Variants in ARPP21 observed in about 807,000 individuals in gnomAD.
The protein encoded by ARPP21 is cAMP regulated phosphoprotein 21.
ARPP21 carries 69 observed loss-of-function variants against 113.2 expected under a neutral mutation model. That is an observed-to-expected ratio of 0.61 (90% CI 0.50 to 0.74). The LOEUF is 0.74. Among genes scored for constraint, ARPP21 ranks in the 30% least tolerant of loss-of-function variants. The pLI, the probability that ARPP21 is intolerant of heterozygous loss-of-function variation, is 0.00. For missense variants in ARPP21, 1,070 were observed against 1,037.4 expected (o/e 1.03, Z -0.43); for synonymous variants, 368 against 375.5 (o/e 0.98, Z 0.23).
intron 7 of ARPP21, among the ~76,000 whole-genome samples, chr3:35,689,809 C>A (rs573282920): frequency 6.6e-6 from 1 of 151,360 alleles, no homozygotes; most frequent in Non-Finnish European, 1.5e-5. Context: ...GATCCTAGTA[C>A]TTTGCATGCC....
In ARPP21 at chr3:35,743,951, C is replaced by A; in HGVS notation, c.2123C>A (p.Ala708Glu). 1 of 1,614,082 alleles carries A rather than the reference C, an allele frequency of 6.2e-7. No individual in the cohort carries two copies. Among genetic ancestry groups the A allele is most frequent in the Non-Finnish European group, 8.5e-7 (1 of 1,179,980 alleles). ...NAQRSQQMPQ[A>E]AQQAGYQPVL... is the part of the protein sequence containing the mutation. ...CAGAGGAGTCAACAGATGCCACAGG[C>A]AGCACAGCAAGCAGGTACTTGGAAT... Residue 708 changes from alanine (A) to glutamate (E), a missense_variant, in exon 19 of 21, where the codon GCA (alanine) becomes GAA (glutamate). Transcript: ENST00000684406.
chr3:35,779,848 C>T (rs2096481750), intron 19 of ARPP21, among the ~76,000 whole-genome samples: 1 of 152,154 alleles, frequency 6.6e-6, no homozygotes, highest in African/African-American at 2.4e-5. Flanking sequence ...TTTCTCACTC[C>T]TCCTTTTAGT....
At position 35,793,973 on chromosome 3, in the gene ARPP21, G is replaced by A. The variant is rs753832428; in HGVS notation, c.*15G>A. 227 of 1,605,272 alleles carry A rather than the reference G, an allele frequency of 1.4e-4. 5 individuals carry two copies. In the South Asian group the frequency reaches 2.4e-3, roughly 17 times the overall value. On this transcript the variant is annotated 3_prime_UTR_variant, in exon 21 of 21. Transcript: ENST00000684406. ...TCAAATTCTGAGAGCTCTGGCTGTGGTACATTTCTTCAGATATTTCTCATG... is the reference window on the plus strand; with the variant it reads ...TCAAATTCTGAGAGCTCTGGCTGTGATACATTTCTTCAGATATTTCTCATG...
intron 13 of ARPP21, among the ~76,000 whole-genome samples, chr3:35,718,300 G>A (rs778694047): frequency 6.6e-6 from 1 of 152,046 alleles, no homozygotes; most frequent in Non-Finnish European, 1.5e-5. Flanking sequence ...TTTCTAGATT[G>A]AACTATTAAG....
chr3:35,727,233 C>T (rs1046819513), intron 14 of ARPP21, among the ~76,000 whole-genome samples: 131 of 152,080 alleles, frequency 8.6e-4, no homozygotes, highest in Non-Finnish European at 3.2e-4. Context: ...TATATGCATA[C>T]GTACAATTTC....
At chr3:35,717,736 G>C (rs2092608036) in intron 13 of ARPP21, among the ~76,000 whole-genome samples, 1 of 151,992 alleles carries the variant, frequency 6.6e-6, no homozygotes, top group Non-Finnish European at 1.5e-5. Flanking sequence ...GCCCTACTTG[G>C]GCAACTAATT....
intron 1 of ARPP21, among the ~76,000 whole-genome samples, chr3:35,658,916 T>A (rs946321434): frequency 3.3e-5 from 5 of 152,048 alleles, no homozygotes; most frequent in African/African-American, 1.2e-4. Context: ...TGAATTAGGG[T>A]CTTGTTTACA....
intron 13 of ARPP21, among the ~76,000 whole-genome samples, chr3:35,721,059 C>T (rs893102054): frequency 6.6e-6 from 1 of 152,206 alleles, no homozygotes; most frequent in Non-Finnish European, 1.5e-5. Flanking sequence ...TGATTTCTAT[C>T]CTATCTGTCA....
At chr3:35,683,943 G>T in intron 5 of ARPP21, 128 bp downstream of exon 5, 1 of 1,081,102 alleles carries the variant, frequency 9.2e-7, no homozygotes, top group Non-Finnish European at 1.4e-6. Flanking sequence ...TTCATTTTTT[G>T]GCTTTATCCC....
chr3:35,733,040 T>G (rs1187211588), intron 15 of ARPP21, among the ~76,000 whole-genome samples: 1 of 152,170 alleles, frequency 6.6e-6, no homozygotes, highest in East Asian at 1.9e-4. Context: ...CTCTCACCCC[T>G]TCTCTCTCTT....
intron 18 of ARPP21, among the ~76,000 whole-genome samples, chr3:35,740,552 C>T (rs1189734655): frequency 2.0e-5 from 3 of 152,110 alleles, no homozygotes; most frequent in Admixed American, 6.5e-5. Flanking sequence ...TCTTCAGTTG[C>T]CTTCTCTGTA....
At chr3:35,788,386 T>A (rs2096674998) in intron 19 of ARPP21, among the ~76,000 whole-genome samples, 1 of 152,216 alleles carries the variant, frequency 6.6e-6, no homozygotes, top group Admixed American at 6.5e-5. Context: ...TGAAGCAGCT[T>A]GCTAACTCTA....
At chr3:35,648,399 C>CT (rs1701081837) in intron 1 of ARPP21, among the ~76,000 whole-genome samples, 1 of 152,132 alleles carries the variant, frequency 6.6e-6, no homozygotes, top group South Asian at 2.1e-4. Context: ...AAATCCTGCA[C>CT]TAGTGGATGG....
chr3:35,764,408 G>T (rs555499851), intron 19 of ARPP21, among the ~76,000 whole-genome samples: 8 of 152,194 alleles, frequency 5.3e-5, no homozygotes, highest in Non-Finnish European at 1.2e-4. Context: ...TACATAAAGT[G>T]TGTGGCAAAA....
intron 9 of ARPP21, 122 bp downstream of exon 9, chr3:35,691,127 C>T (rs1222116194): frequency 1.9e-6 from 2 of 1,074,824 alleles, no homozygotes; most frequent in Non-Finnish European, 2.6e-6. Context: ...TTATCTCTTG[C>T]TCTTATCAGA....
chr3:35,687,756 G>T lies in ARPP21; in HGVS notation c.279G>T (p.Gln93His). The change falls in exon 6 of 21, where the codon CAG becomes CAT. Residue 93 changes from glutamine to histidine, a missense_variant. Physicochemically the swap from Gln to His is conservative, Grantham distance 24. Coordinates refer to ENST00000684406, the MANE Select transcript of ARPP21 (RefSeq NM_001385562.1). ...CCCAACAGGAATCAATTCATTTACAGCTTTCCAGTTTTTCCAGCCTGCAAG... is the reference window on the plus strand; with the variant it reads ...CCCAACAGGAATCAATTCATTTACATCTTTCCAGTTTTTCCAGCCTGCAAG... ...SLQDQESIHL[Q>H]LSSFSSLQEE... 1 of 1,602,664 alleles carries T rather than the reference G, an allele frequency of 6.2e-7. No homozygotes were observed. The highest frequency in any genetic ancestry group is 8.5e-7 in the Non-Finnish European group (1 of 1,175,576).
chr3:35,733,192 T>C (rs1320038071), intron 15 of ARPP21, among the ~76,000 whole-genome samples: 11 of 151,880 alleles, frequency 7.2e-5, no homozygotes, highest in African/African-American at 2.4e-4. Flanking sequence ...GCTTATTTTT[T>C]ATTTGCTTTT....
chr3:35,747,385 T>G (rs2095134097), intron 19 of ARPP21, among the ~76,000 whole-genome samples: 1 of 139,878 alleles, frequency 7.1e-6, no homozygotes, highest in Admixed American at 7.0e-5. Context: ...AAAAGAACAC[T>G]AATGTCGAGA....
chr3:35,702,230 T>C (rs2086698683), intron 9 of ARPP21, among the ~76,000 whole-genome samples: 1 of 151,780 alleles, frequency 6.6e-6, no homozygotes, highest in South Asian at 2.1e-4. Context: ...ATTGCTTTTC[T>C]ATGTTACTCA....
Sources: gnomAD v4.1 joint callset for allele counts (sites outside exome capture counted in the v4.1 genomes callset) on GRCh38, gnomAD v4.1.1 for gene constraint, MANE v1.5 for transcripts, NCBI Gene and HGNC (gene_info 2026-07-23, HGNC 2026-07-21) for gene names.